Variants in CDK17 observed in about 807,000 individuals in gnomAD.
CDK17 encodes the protein cyclin-dependent kinase 17.
A neutral mutation model predicts 77.6 loss-of-function variants in CDK17; 24 were observed. The observed-to-expected ratio is 0.31, with a 90% CI of 0.22 to 0.44. The LOEUF is 0.44. Among genes scored for constraint, CDK17 ranks in the 20% least tolerant of loss-of-function variants. CDK17 has a pLI of 1.00. For synonymous variants in CDK17, 203 were observed against 210.4 expected, an observed-to-expected ratio of 0.96 and a Z score of 0.30; for missense variants, 429 against 622.5, an observed-to-expected ratio of 0.69 and a Z score of 3.31.
chr12:96,317,218 T>C (rs1228788790), intron 3 of CDK17, among the ~76,000 whole-genome samples: 2 of 150,198 alleles, frequency 1.3e-5, no homozygotes, highest in Non-Finnish European at 1.5e-5. Flanking sequence ...CGATCGAAGA[T>C]GAAATGAAGT....
intron 2 of CDK17, 141 bp downstream of exon 2, chr12:96,334,578 C>T: frequency 1.8e-6 from 1 of 566,076 alleles, no homozygotes; most frequent in Non-Finnish European, 3.1e-6. Context: ...GTTATATAGT[C>T]TTCAATTTCC....
chr12:96,313,963 T>C (rs1052676061), intron 3 of CDK17, among the ~76,000 whole-genome samples: 3 of 152,208 alleles, frequency 2.0e-5, no homozygotes, highest in Admixed American at 2.0e-4. Flanking sequence ...TCTAATGCAG[T>C]TTCTCCTCCC....
intron 11 of CDK17, among the ~76,000 whole-genome samples, chr12:96,287,959 G>A (rs1450762058): frequency 1.3e-5 from 2 of 152,088 alleles, no homozygotes; most frequent in Non-Finnish European, 2.9e-5. Context: ...GTGGTACTTA[G>A]AACAGTCAAA....
At chr12:96,318,363 C>G (rs1176699319) in intron 3 of CDK17, among the ~76,000 whole-genome samples, 1 of 141,896 alleles carries the variant, frequency 7.0e-6, no homozygotes, top group Non-Finnish European at 1.5e-5. Flanking sequence ...GACTTTAACA[C>G]CCCACTGTCA....
At chr12:96,363,536 G>C (rs148507995) in intron 1 of CDK17, among the ~76,000 whole-genome samples, 141 of 151,216 alleles carry the variant, frequency 9.3e-4, no homozygotes, top group African/African-American at 3.3e-3. Context: ...TTTTTCAAGA[G>C]ATTGTGACTT....
chr12:96,316,986 G>A (rs1246187508), intron 3 of CDK17, among the ~76,000 whole-genome samples: 4 of 148,022 alleles, frequency 2.7e-5, no homozygotes, highest in African/African-American at 9.9e-5. Context: ...AGAGAAGAAG[G>A]CTTCAGACGA....
intron 6 of CDK17, 56 bp downstream of exon 6, chr12:96,300,248 G>C: frequency 1.7e-6 from 2 of 1,180,018 alleles, no homozygotes; most frequent in Middle Eastern, 1.9e-4. Context: ...GAGTAACAGA[G>C]TTTGAATGAC....
chr12:96,393,131 G>A (rs1182109428), intron 1 of CDK17, among the ~76,000 whole-genome samples: 4 of 151,832 alleles, frequency 2.6e-5, no homozygotes, highest in South Asian at 2.1e-4. Flanking sequence ...TTGGGAAGCT[G>A]AGGCGGGTGG....
intron 5 of CDK17, among the ~76,000 whole-genome samples, chr12:96,308,180 A>C (rs1952599951): frequency 6.8e-6 from 1 of 147,474 alleles, no homozygotes; most frequent in Non-Finnish European, 1.5e-5. Context: ...GGACCGCTTG[A>C]GCCCAGGCAT....
At chr12:96,371,381 C>T (rs1953690720) in intron 1 of CDK17, among the ~76,000 whole-genome samples, 1 of 152,144 alleles carries the variant, frequency 6.6e-6, no homozygotes, top group Non-Finnish European at 1.5e-5. Flanking sequence ...CACCCTTTAA[C>T]CACCTCCTAA....
intron 1 of CDK17, among the ~76,000 whole-genome samples, chr12:96,344,076 G>A (rs557197459): frequency 3.9e-5 from 6 of 152,222 alleles, no homozygotes; most frequent in African/African-American, 1.4e-4. Context: ...CACTAGAGTG[G>A]TTCAACAGAT....
intron 1 of CDK17, among the ~76,000 whole-genome samples, chr12:96,363,835 C>T (rs1034069371): frequency 6.6e-6 from 1 of 152,166 alleles, no homozygotes; most frequent in Non-Finnish European, 1.5e-5. Context: ...GGCGACAGAA[C>T]GAGACTCTGT....
chr12:96,300,706 T>C (rs1232453767), intron 5 of CDK17, among the ~76,000 whole-genome samples: 2 of 152,208 alleles, frequency 1.3e-5, no homozygotes, highest in South Asian at 2.1e-4. Flanking sequence ...CTTGTATATA[T>C]TCTTAAAGTT....
intron 3 of CDK17, among the ~76,000 whole-genome samples, chr12:96,314,117 A>C (rs1263518026): frequency 1.3e-5 from 2 of 152,250 alleles, no homozygotes; most frequent in Non-Finnish European, 2.9e-5. Context: ...AAGGTGGGTT[A>C]TGGCATGCTT....
chr12:96,316,046 G>A (rs931285002), intron 3 of CDK17, among the ~76,000 whole-genome samples: 11 of 152,158 alleles, frequency 7.2e-5, no homozygotes, highest in Admixed American at 5.2e-4. Flanking sequence ...CTGAGGTACC[G>A]GGTTCATCTC....
At chr12:96,357,096 C>G (rs189386263) in intron 1 of CDK17, among the ~76,000 whole-genome samples, 1 of 152,248 alleles carries the variant, frequency 6.6e-6, no homozygotes, top group Admixed American at 6.5e-5. Flanking sequence ...AAGAGAGCAA[C>G]TGTAACCACT....
intron 3 of CDK17, among the ~76,000 whole-genome samples, chr12:96,323,285 C>CA (rs58551659): frequency 0.13 from 11,989 of 95,094 alleles, 569 homozygotes; most frequent in East Asian, 0.14. Flanking sequence ...AAAAAAAAAA[C>CA]AAAAACAAAC....
chr12:96,378,051 TAA>T (rs1463588411), intron 1 of CDK17, among the ~76,000 whole-genome samples: 2 of 152,164 alleles, frequency 1.3e-5, no homozygotes, highest in East Asian at 1.9e-4. Context: ...AGAAAAATAG[TAA>T]AGAGTTCCCT....
At position 96,333,578 on chromosome 12, in the gene CDK17, G is replaced by A. The variant is rs576953131; in HGVS notation, c.118+1141C>T. Among the ~76,000 whole-genome samples, 3 of 151,826 alleles carry A rather than the reference G, an allele frequency of 2.0e-5. No individual in the cohort carries two copies. The East Asian group carries it at 5.8e-4, about 29-fold the overall frequency. The stretch of plus-strand genomic sequence containing the variant: ...AATCCCAGCTGCTCAGGAGGCTGAG[G>A]CAGGAGAATCACTTGAACCCAGGAG... On this transcript the variant is annotated intron_variant, in intron 2 of 16. Transcript: ENST00000261211.
Sources: allele counts gnomAD v4.1 joint callset (sites outside exome capture counted in the v4.1 genomes callset), GRCh38; gene constraint gnomAD v4.1.1; transcripts MANE v1.5; gene names NCBI Gene and HGNC (gene_info 2026-07-23, HGNC 2026-07-21).